TSPAN18: variants seen among roughly 807,000 people sequenced by gnomAD.
TSPAN18 encodes tetraspanin-18.
TSPAN18 carries 14 observed loss-of-function variants against 27.3 expected under a neutral mutation model. The observed-to-expected ratio is 0.51, with a 90% CI of 0.34 to 0.80. The LOEUF is 0.80. TSPAN18 is among the 30% of genes least tolerant of loss of function. The pLI is 0.01. For synonymous variants in TSPAN18, 143 were observed against 136.5 expected (o/e 1.05, Z -0.33); for missense variants, 268 against 323.9 (o/e 0.83, Z 1.32).
At chr11:44,807,114 T>C (rs1017737345) in intron 2 of TSPAN18, among the ~76,000 whole-genome samples, 1 of 147,826 alleles carries the variant, frequency 6.8e-6, no homozygotes, top group Non-Finnish European at 1.5e-5. Context: ...TCCCAGCTAC[T>C]TGGGAGACCA....
intron 2 of TSPAN18, among the ~76,000 whole-genome samples, chr11:44,828,133 G>C (rs1383263452): frequency 6.6e-6 from 1 of 152,130 alleles, no homozygotes; most frequent in Non-Finnish European, 1.5e-5. Context: ...AGGTGGCTGT[G>C]CAGAGTGCCA....
At chr11:44,900,987 G>A (rs116203232) in intron 3 of TSPAN18, among the ~76,000 whole-genome samples, 1,921 of 152,176 alleles carry the variant, frequency 0.013, 34 homozygotes, top group African/African-American at 0.044. Context: ...GAGCCACCGC[G>A]CCCGGCCGAG....
intron 2 of TSPAN18, among the ~76,000 whole-genome samples, chr11:44,818,778 A>T (rs1856865593): frequency 6.6e-6 from 1 of 152,226 alleles, no homozygotes; most frequent in Admixed American, 6.5e-5. Flanking sequence ...AAAGAATAAT[A>T]TATGATATAA....
chr11:44,765,806 G>T (rs1855556127), intron 2 of TSPAN18, among the ~76,000 whole-genome samples: 1 of 152,140 alleles, frequency 6.6e-6, no homozygotes, highest in African/African-American at 2.4e-5. Flanking sequence ...CATAAAAATG[G>T]TTTGTTTCCT....
intron 2 of TSPAN18, among the ~76,000 whole-genome samples, chr11:44,851,615 T>TCCCCC (rs35373492): frequency 3.8e-4 from 47 of 122,720 alleles, no homozygotes; most frequent in Non-Finnish European, 6.8e-4. Flanking sequence ...TCTTGTCACC[T>TCCCCC]CCCCCCCCCA....
intron 2 of TSPAN18, among the ~76,000 whole-genome samples, chr11:44,805,370 A>G (rs1856570333): frequency 1.3e-5 from 2 of 152,202 alleles, no homozygotes; most frequent in African/African-American, 2.4e-5. Context: ...AAGTAAATAC[A>G]TATGTAAGCT....
intron 2 of TSPAN18, among the ~76,000 whole-genome samples, chr11:44,858,338 G>T (rs887714097): frequency 6.6e-6 from 1 of 152,134 alleles, no homozygotes; most frequent in African/African-American, 2.4e-5. Context: ...GCCTTCACAT[G>T]CTCACGGGTG....
In TSPAN18 at chr11:44,903,501, G is replaced by A. The variant is rs1476233636; in HGVS notation, c.-10-2906G>A. ...GGTTGGGTTCCAGCAAGAGAGGGCT[G>A]TGGTGACATGTGCTTTCTGGAAAGC... On this transcript the variant is annotated intron_variant, in intron 3 of 9. Transcript: ENST00000520358. The A allele has an allele frequency of 6.6e-6, 3 of 456,504 alleles. No homozygotes were observed. In the Admixed American group the frequency reaches 7.0e-5, roughly 11 times the overall value. 28.3% of individuals were successfully genotyped at this position (456,504 alleles called of 1,614,324 possible).
intron 2 of TSPAN18, among the ~76,000 whole-genome samples, chr11:44,780,810 T>G (rs1047953862): frequency 2.0e-5 from 3 of 152,200 alleles, no homozygotes; most frequent in Non-Finnish European, 4.4e-5. Context: ...GAATGGTAGC[T>G]GTGAATACAG....
Position 44,851,873 on chromosome 11 carries a change from A to C in TSPAN18, c.-152-8455A>C, listed in dbSNP as rs147895464. Among the ~76,000 whole-genome samples the C allele has an allele frequency of 1.7e-3, 266 of 152,306 alleles. 1 individual carries two copies. The highest frequency in any genetic ancestry group is 5.9e-3 in the African/African-American group (246 of 41,560). ...CATTCATTCAGTGCCCAGGTATGAC[A>C]TGCCATTCCAGACCCTGGGAATACA... On this transcript the variant is annotated intron_variant, in intron 2 of 9. Transcript: ENST00000520358.
chr11:44,909,833 G>A lies in TSPAN18; in HGVS notation c.192G>A (p.Leu64=), dbSNP rs1240043343. 1 of 1,613,876 alleles carries A rather than the reference G, an allele frequency of 6.2e-7. No homozygotes were observed. The highest frequency in any genetic ancestry group is 1.3e-5 in the African/African-American group (1 of 74,928). Residue 64 remains leucine (L), a synonymous_variant, in exon 5 of 10, where the codon CTG becomes CTA. Coordinates refer to ENST00000520358, the MANE Select transcript of TSPAN18 (RefSeq NM_130783.5). ...ACATCCTCCTGGCCATGGGGGGCCT[G>A]CTCTTTCTGCTCGGCTTCCTGGGCT... The part of the protein sequence containing the change: ...GAYILLAMGG[L]LFLLGFLGCC...
At chr11:44,879,094 T>C (rs765738016) in intron 3 of TSPAN18, among the ~76,000 whole-genome samples, 9 of 152,186 alleles carry the variant, frequency 5.9e-5, no homozygotes, top group Admixed American at 1.3e-4. Context: ...TTAATAACTT[T>C]TGAACAAGGG....
chr11:44,868,137 C>T (rs1185045562), intron 3 of TSPAN18, among the ~76,000 whole-genome samples: 1 of 152,090 alleles, frequency 6.6e-6, no homozygotes, highest in Non-Finnish European at 1.5e-5. Context: ...ATACCCGGGT[C>T]ATGCAGGAGC....
intron 2 of TSPAN18, among the ~76,000 whole-genome samples, chr11:44,846,995 C>G (rs528347946): frequency 5.9e-5 from 9 of 152,300 alleles, no homozygotes; most frequent in African/African-American, 1.9e-4. Context: ...GGTATTCCCT[C>G]AGGCTGGTGG....
intron 8 of TSPAN18, among the ~76,000 whole-genome samples, chr11:44,925,554 CT>C (rs1233121707): frequency 6.6e-6 from 1 of 152,216 alleles, no homozygotes; most frequent in Non-Finnish European, 1.5e-5. Context: ...CTCAGTCCTA[CT>C]TTTGGCCAAA....
intron 3 of TSPAN18, among the ~76,000 whole-genome samples, chr11:44,881,719 A>C (rs1858494133): frequency 6.6e-6 from 1 of 152,156 alleles, no homozygotes; most frequent in Non-Finnish European, 1.5e-5. Context: ...CTGCCTGCCC[A>C]AGGGCACACA....
intron 1 of TSPAN18, among the ~76,000 whole-genome samples, chr11:44,740,861 C>T (rs542392775): frequency 6.6e-6 from 1 of 152,358 alleles, no homozygotes; most frequent in South Asian, 2.1e-4. Flanking sequence ...TCTTGGCTCA[C>T]TGCAACTTCT....
intron 2 of TSPAN18, among the ~76,000 whole-genome samples, chr11:44,848,813 A>T (rs1857538355): frequency 6.6e-6 from 1 of 152,170 alleles, no homozygotes; most frequent in Non-Finnish European, 1.5e-5. Context: ...GACAGCAGTG[A>T]GCTTTGCCTA....
rs191257156 is a variant in TSPAN18 at position 44,792,958 on chromosome 11, A to G, written c.-153+28446A>G. Among the ~76,000 whole-genome samples the G allele has an allele frequency of 2.1e-4, 32 of 152,246 alleles. No homozygotes were observed. In the East Asian group the frequency reaches 3.7e-3, roughly 17 times the overall value. ...CCTGCAAGGCGTCTCGTGTGACTCA[A>G]AGTCAAGTTGTCCCAGAAACAGACC... is the stretch of plus-strand genomic sequence containing the variant. On this transcript the variant is annotated intron_variant, in intron 2 of 9. Transcript: ENST00000520358.
Sources: allele counts gnomAD v4.1 joint callset (sites outside exome capture counted in the v4.1 genomes callset), GRCh38; gene constraint gnomAD v4.1.1; transcripts MANE v1.5; gene names NCBI Gene and HGNC (gene_info 2026-07-23, HGNC 2026-07-21).